Variants in GSG1L observed in about 807,000 individuals in gnomAD.
The protein encoded by GSG1L is GSG1 like, also known as germ cell-specific gene 1-like protein.
A neutral mutation model predicts 42.1 loss-of-function variants in GSG1L; 24 were observed. The ratio of observed to expected loss-of-function variants is 0.57; its 90% CI spans 0.41 to 0.80. GSG1L has a LOEUF of 0.80. Among genes scored for constraint, GSG1L ranks in the 30% least tolerant of loss-of-function variants. The probability of loss-of-function intolerance (pLI) is 0.00; values close to 1 mark genes in which losing one functional copy is unlikely to be tolerated. For synonymous variants in GSG1L, 215 were observed against 203.5 expected, an observed-to-expected ratio of 1.06 and a Z score of -0.48; for missense variants, 445 against 472.2, an observed-to-expected ratio of 0.94 and a Z score of 0.53.
intron 6 of GSG1L, among the ~76,000 whole-genome samples, chr16:27,800,903 T>C (rs1174414896): frequency 2.6e-5 from 4 of 152,052 alleles, no homozygotes; most frequent in African/African-American, 7.2e-5. Context: ...AAACCAAGCA[T>C]GTGAACATAA....
At chr16:27,866,773 C>T (rs1345781223) in intron 3 of GSG1L, among the ~76,000 whole-genome samples, 3 of 152,130 alleles carry the variant, frequency 2.0e-5, no homozygotes, top group South Asian at 2.1e-4. Flanking sequence ...GGTTTCACCG[C>T]GTTGGCCAGG....
At chr16:27,965,811 C>T (rs2085125684) in intron 1 of GSG1L, among the ~76,000 whole-genome samples, 2 of 152,224 alleles carry the variant, frequency 1.3e-5, no homozygotes, top group Admixed American at 6.5e-5. Flanking sequence ...CCCATCCTCA[C>T]AGTGACCAGA....
intron 2 of GSG1L, among the ~76,000 whole-genome samples, chr16:27,957,020 G>T (rs1230719461): frequency 1.3e-5 from 2 of 152,204 alleles, no homozygotes; most frequent in Non-Finnish European, 2.9e-5. Context: ...AGACAGGGAA[G>T]TAGGAGAAAC....
chr16:27,946,978 G>A (rs2084880043), intron 2 of GSG1L, among the ~76,000 whole-genome samples: 1 of 152,168 alleles, frequency 6.6e-6, no homozygotes, highest in Non-Finnish European at 1.5e-5. Flanking sequence ...CTATTTTACA[G>A]ATGAAGACAT....
At chr16:28,055,879 C>T (rs1242908244) in intron 1 of GSG1L, among the ~76,000 whole-genome samples, 1 of 152,154 alleles carries the variant, frequency 6.6e-6, no homozygotes, top group African/African-American at 2.4e-5. Context: ...TTGCAGCATC[C>T]TCACAAGACA....
At chr16:27,941,828 T>C (rs2084801335) in intron 2 of GSG1L, among the ~76,000 whole-genome samples, 1 of 152,018 alleles carries the variant, frequency 6.6e-6, no homozygotes, top group Non-Finnish European at 1.5e-5. Flanking sequence ...CTTGAAGACA[T>C]TATGTTTCAT....
intron 2 of GSG1L, among the ~76,000 whole-genome samples, chr16:27,890,374 G>C (rs983707958): frequency 6.6e-6 from 1 of 152,156 alleles, no homozygotes; most frequent in African/African-American, 2.4e-5. Context: ...CTGAGTTCAG[G>C]GGCAGGTGAG....
chr16:27,875,411 G>A (rs1311436320), intron 3 of GSG1L, among the ~76,000 whole-genome samples: 5 of 151,898 alleles, frequency 3.3e-5, no homozygotes, highest in South Asian at 2.1e-4. Flanking sequence ...CTCTCCCACC[G>A]TACTTGCTAA....
At chr16:27,893,458 C>A (rs926028782) in intron 2 of GSG1L, among the ~76,000 whole-genome samples, 7 of 152,074 alleles carry the variant, frequency 4.6e-5, no homozygotes, top group African/African-American at 1.7e-4. Flanking sequence ...ACTTGTTGCA[C>A]GCAGTAAATG....
Position 28,007,515 on chromosome 16 carries a change from G to GTTGGTTGGT in GSG1L, c.350-44313_350-44312insACCAACCAA, listed in dbSNP as rs151170153. Reference sequence around the variant, plus strand: ...GGTTGGTTGGTTGGTTGGTTGGTTGGTGGTTGGTTGGTTTTGAGACAGGAT... The same window carrying GTTGGTTGGT: ...GGTTGGTTGGTTGGTTGGTTGGTTGGTTGGTTGGTTGGTTGGTTGGTTTTGAGACAGGAT... On this transcript the variant is annotated intron_variant, in intron 1 of 6. Coordinates refer to ENST00000447459, the MANE Select transcript of GSG1L (RefSeq NM_001109763.2). 2.1e-4 allele frequency among the ~76,000 whole-genome samples: 8 copies of GTTGGTTGGT among 38,142 alleles called. 1 individual carries two copies. Among genetic ancestry groups the GTTGGTTGGT allele is most frequent in the Middle Eastern group, 0.032 (2 of 62 alleles). The allele number at this position is 38,142 out of a possible 152,430, so 25.0% of individuals were successfully genotyped here.
chr16:28,028,490 T>C lies in GSG1L; in HGVS notation c.349+34586A>G, dbSNP rs549114848. ...CATTCTGCTTGTGGCTTTTAAACTCTGTCCACAGTAACAATATAACAATAA... is the reference window on the plus strand; with the variant it reads ...CATTCTGCTTGTGGCTTTTAAACTCCGTCCACAGTAACAATATAACAATAA... On this transcript the variant is annotated intron_variant, in intron 1 of 6. Coordinates refer to ENST00000447459, the MANE Select transcript of GSG1L (RefSeq NM_001109763.2). Among the ~76,000 whole-genome samples, 4 of 152,014 alleles carry C rather than the reference T, an allele frequency of 2.6e-5. No homozygotes were observed. In the South Asian group the frequency reaches 8.3e-4, roughly 32 times the overall value.
chr16:27,968,969 C>G (rs577632139), intron 1 of GSG1L, among the ~76,000 whole-genome samples: 232 of 152,130 alleles, frequency 1.5e-3, no homozygotes, highest in Non-Finnish European at 2.6e-3. Context: ...ATTAGCTGGG[C>G]ATAGTGGCAC....
intron 1 of GSG1L, among the ~76,000 whole-genome samples, chr16:28,046,156 C>T (rs903826497): frequency 2.6e-5 from 4 of 152,036 alleles, no homozygotes; most frequent in African/African-American, 9.7e-5. Flanking sequence ...TGACCTCAGA[C>T]ATCACTTCCT....
At chr16:27,867,846 C>T (rs1263835618) in intron 3 of GSG1L, among the ~76,000 whole-genome samples, 1 of 152,148 alleles carries the variant, frequency 6.6e-6, no homozygotes, top group East Asian at 1.9e-4. Context: ...GGCCACGCCC[C>T]TCAAAGTCCA....
chr16:28,054,321 C>T (rs2086255482), intron 1 of GSG1L, among the ~76,000 whole-genome samples: 2 of 152,218 alleles, frequency 1.3e-5, no homozygotes. Flanking sequence ...AGAAGGGACC[C>T]TGCCCCCTCC....
intron 1 of GSG1L, among the ~76,000 whole-genome samples, chr16:28,042,830 C>T (rs1046251030): frequency 6.6e-6 from 1 of 152,188 alleles, no homozygotes; most frequent in African/African-American, 2.4e-5. Context: ...ATCACGAAGA[C>T]TTGGCAGATC....
chr16:27,828,767 A>C (rs550662906), intron 5 of GSG1L, 22 bp downstream of exon 5: 28 of 1,604,174 alleles, frequency 1.7e-5, no homozygotes, highest in African/African-American at 1.6e-4. Context: ...TGGTGGCCAG[A>C]GGTAACCCCC....
chr16:27,997,567 A>G (rs953148543), intron 1 of GSG1L, among the ~76,000 whole-genome samples: 2 of 152,030 alleles, frequency 1.3e-5, no homozygotes, highest in African/African-American at 4.8e-5. Context: ...TAATGTAATC[A>G]CATCTGAGAA....
At chr16:27,916,322 A>T (rs2084454113) in intron 2 of GSG1L, among the ~76,000 whole-genome samples, 8 of 148,382 alleles carry the variant, frequency 5.4e-5, no homozygotes, top group Admixed American at 4.1e-4. Context: ...ATGTATTTAT[A>T]TTTTTTTTTT....
Sources: gnomAD v4.1 joint callset for allele counts (sites outside exome capture counted in the v4.1 genomes callset) on GRCh38, gnomAD v4.1.1 for gene constraint, MANE v1.5 for transcripts, NCBI Gene and HGNC (gene_info 2026-07-23, HGNC 2026-07-21) for gene names.